Variants in GLMN observed in about 807,000 individuals in gnomAD.
GLMN encodes glomulin.
Under a neutral mutation model 87.8 loss-of-function variants are expected in GLMN, and 75 were observed. The ratio of observed to expected loss-of-function variants is 0.85; its 90% CI spans 0.71 to 1.04. The LOEUF (loss-of-function observed/expected upper bound fraction) is 1.04, where lower values mean the gene tolerates loss of function less well. Among genes scored for constraint, GLMN ranks in the 50% least tolerant of loss-of-function variants. The pLI is 0.00. For missense variants in GLMN, 588 were observed against 658.8 expected, an observed-to-expected ratio of 0.89 and a Z score of 1.18; for synonymous variants, 206 against 221.6, an observed-to-expected ratio of 0.93 and a Z score of 0.63.
At chr1:92,357,063 C>T in the GLMN span, among the ~76,000 whole-genome samples, 1 of 144,682 alleles carries the variant, frequency 6.9e-6, no homozygotes, top group Admixed American at 7.0e-5. Context: ...AAGACTCTGT[C>T]TCAAAAAAAA....
At chr1:92,340,602 G>A in the GLMN span, among the ~76,000 whole-genome samples, 1 of 152,174 alleles carries the variant, frequency 6.6e-6, no homozygotes, top group African/African-American at 2.4e-5. Context: ...TAGAGATTGA[G>A]TTTCATTCGG....
chr1:92,359,783 T>C, the GLMN span, among the ~76,000 whole-genome samples: 2 of 152,122 alleles, frequency 1.3e-5, no homozygotes, highest in Non-Finnish European at 1.5e-5. Flanking sequence ...AGTGTCAGCA[T>C]TGGGATGGAT....
intron 16 of GLMN, among the ~76,000 whole-genome samples, chr1:92,255,982 T>C (rs1001740830): frequency 6.6e-6 from 1 of 152,150 alleles, no homozygotes; most frequent in Non-Finnish European, 1.5e-5. Flanking sequence ...AGCTGCTTTT[T>C]TGAAAAGACT....
At chr1:92,321,462 T>TTA in the GLMN span, among the ~76,000 whole-genome samples, 313 of 151,218 alleles carry the variant, frequency 2.1e-3, no homozygotes, top group African/African-American at 6.5e-3. Flanking sequence ...CTTTCAACTT[T>TTA]TATATATATA....
chr1:92,334,795 G>C, the GLMN span, among the ~76,000 whole-genome samples: 1 of 152,074 alleles, frequency 6.6e-6, no homozygotes. Flanking sequence ...GACCATCCTG[G>C]CTAACACGGT....
intron 4 of GLMN, among the ~76,000 whole-genome samples, chr1:92,290,823 T>C (rs1649320994): frequency 6.6e-5 from 10 of 152,230 alleles, no homozygotes; most frequent in Admixed American, 6.5e-4. Flanking sequence ...CACTGATCAC[T>C]AAACAGTTTC....
the GLMN span, among the ~76,000 whole-genome samples, chr1:92,360,682 A>G: frequency 1.3e-5 from 2 of 152,112 alleles, no homozygotes; most frequent in Admixed American, 6.6e-5. Flanking sequence ...TATCTGCAAC[A>G]TATTTCTCTC....
At chr1:92,273,571 G>C (rs1383857570) in intron 7 of GLMN, among the ~76,000 whole-genome samples, 2 of 150,470 alleles carry the variant, frequency 1.3e-5, no homozygotes, top group South Asian at 4.2e-4. Flanking sequence ...TCAGTCTCCT[G>C]AGTAGCTAGG....
the GLMN span, among the ~76,000 whole-genome samples, chr1:92,370,840 A>AAAAT: frequency 6.6e-6 from 1 of 152,216 alleles, no homozygotes; most frequent in African/African-American, 2.4e-5. Context: ...TTACCTAAAA[A>AAAAT]AAATAAAAAT....
chr1:92,329,068 C>G, the GLMN span, among the ~76,000 whole-genome samples: 11 of 152,202 alleles, frequency 7.2e-5, no homozygotes, highest in African/African-American at 9.6e-5. Context: ...CTGTGAGGGT[C>G]CTTAATTGTA....
intron 7 of GLMN, among the ~76,000 whole-genome samples, chr1:92,274,392 T>C (rs1656585147): frequency 6.6e-6 from 1 of 152,194 alleles, no homozygotes; most frequent in African/African-American, 2.4e-5. Flanking sequence ...GCTTTTTCTG[T>C]ACTTTTCAAC....
the GLMN span, chr1:92,363,844 A>G: frequency 4.6e-6 from 1 of 217,528 alleles, no homozygotes; most frequent in Admixed American, 5.0e-5. Context: ...ATAAGGATCT[A>G]ATACATATCC....
chr1:92,263,037 C>G, intron 15 of GLMN, 111 bp from the exon 16 acceptor site: 1 of 566,864 alleles, frequency 1.8e-6, no homozygotes, highest in East Asian at 3.1e-5. Context: ...CCAATAGAAA[C>G]TATTTCCATT....
At chr1:92,272,255 G>C (rs1330390105) in intron 7 of GLMN, among the ~76,000 whole-genome samples, 2 of 152,150 alleles carry the variant, frequency 1.3e-5, no homozygotes. Flanking sequence ...ATGAGACCCT[G>C]AGCAGAGGAC....
chr1:92,321,321 CA>C, the GLMN span, among the ~76,000 whole-genome samples: 4 of 152,104 alleles, frequency 2.6e-5, no homozygotes, highest in Non-Finnish European at 5.9e-5. Context: ...TTTGAGCTTA[CA>C]CCTATTTTTA....
chr1:92,338,894 G>A, the GLMN span, among the ~76,000 whole-genome samples: 1 of 152,022 alleles, frequency 6.6e-6, no homozygotes, highest in Admixed American at 6.6e-5. Flanking sequence ...ACAGGCAAGA[G>A]CCACAGCTCC....
the GLMN span, chr1:92,323,754 A>C: frequency 6.2e-7 from 1 of 1,614,058 alleles, no homozygotes; most frequent in Non-Finnish European, 8.5e-7. Context: ...GCGATTGCAA[A>C]TTAGATAGTC....
intron 18 of GLMN, 24 bp downstream of exon 18, chr1:92,247,038 A>T (rs1652769665): frequency 2.5e-6 from 3 of 1,180,186 alleles, no homozygotes; most frequent in Non-Finnish European, 3.7e-6. Context: ...AAGAAAAAGG[A>T]AAGAAAAGAA....
chr1:92,297,714 C>T (rs1650285109), intron 2 of GLMN, 185 bp from the exon 3 acceptor site: 2 of 644,804 alleles, frequency 3.1e-6, no homozygotes, highest in Non-Finnish European at 5.4e-6. Context: ...AATAAGTGAC[C>T]TTGAAATCTA....
Sources: allele counts gnomAD v4.1 joint callset (sites outside exome capture counted in the v4.1 genomes callset), GRCh38; gene constraint gnomAD v4.1.1; transcripts MANE v1.5; gene names NCBI Gene and HGNC (gene_info 2026-07-23, HGNC 2026-07-21).